The following PTPRD variants were observed in gnomAD, a reference collection of about 807,000 sequenced individuals.
PTPRD encodes the protein receptor-type tyrosine-protein phosphatase delta.
Under a neutral mutation model 214.5 loss-of-function variants are expected in PTPRD, and 34 were observed. That is an observed-to-expected ratio of 0.16 (90% CI 0.12 to 0.21). The LOEUF is 0.21. Ranked by LOEUF, PTPRD falls within the 10% of genes least tolerant of loss-of-function variation. The probability of loss-of-function intolerance (pLI) is 1.00; values close to 1 mark genes in which losing one functional copy is unlikely to be tolerated. For synonymous variants in PTPRD, 1,128 were observed against 845.7 expected (o/e 1.33, Z -5.79); for missense variants, 2,545 against 2,398.7 (o/e 1.06, Z -1.27).
At chr9:9,620,490 C>A (rs1252498052) in intron 7 of PTPRD, among the ~76,000 whole-genome samples, 1 of 152,062 alleles carries the variant, frequency 6.6e-6, no homozygotes, top group African/African-American at 2.4e-5. Context: ...TTAAACCATA[C>A]CAAATAAAAT....
At chr9:10,119,356 T>C (rs1324983831) in intron 3 of PTPRD, among the ~76,000 whole-genome samples, 1 of 152,054 alleles carries the variant, frequency 6.6e-6, no homozygotes, top group Non-Finnish European at 1.5e-5. Flanking sequence ...AGTGTTTGCC[T>C]TCTATGGTAC....
intron 2 of PTPRD, among the ~76,000 whole-genome samples, chr9:10,365,572 A>ACTT (rs1467856897): frequency 6.6e-6 from 1 of 152,134 alleles, no homozygotes; most frequent in African/African-American, 2.4e-5. Flanking sequence ...TTTCTATCGT[A>ACTT]CTTTAAATGT....
At chr9:10,569,494 T>C (rs982885691) in intron 2 of PTPRD, among the ~76,000 whole-genome samples, 1 of 151,900 alleles carries the variant, frequency 6.6e-6, no homozygotes, top group Non-Finnish European at 1.5e-5. Flanking sequence ...TGTATACTTG[T>C]GTATATGCAT....
chr9:9,887,538 G>A (rs542996408), intron 5 of PTPRD, among the ~76,000 whole-genome samples: 47 of 152,212 alleles, frequency 3.1e-4, no homozygotes, highest in African/African-American at 1.1e-3. Flanking sequence ...TCATCAAGGG[G>A]CAGAACAACA....
intron 12 of PTPRD, among the ~76,000 whole-genome samples, chr9:8,713,132 A>C (rs1316231351): frequency 6.6e-6 from 1 of 152,208 alleles, no homozygotes; most frequent in African/African-American, 2.4e-5. Flanking sequence ...CTTAAAAACA[A>C]CAACAACGAT....
chr9:8,874,362 T>G lies in PTPRD; in HGVS notation c.-103-140416A>C, dbSNP rs76083353. On this transcript the variant is annotated intron_variant, in intron 11 of 45. Transcript: ENST00000381196. ...AGTGTGACTACAGTTGAACGGACTG[T>G]TTTTTTTGCAATTTCCCAACGTGGG... 1.0e-2 allele frequency among the ~76,000 whole-genome samples: 1,419 copies of G among 142,156 alleles called. 24 individuals carry two copies. Among genetic ancestry groups the G allele is most frequent in the African/African-American group, 0.034 (1,331 of 38,674 alleles). The allele number at this position is 142,156 out of a possible 152,430, so 93.3% of individuals were successfully genotyped here. A position where few individuals can be genotyped will look rare whatever the true frequency, so the allele number is the denominator to read the frequency against.
intron 11 of PTPRD, among the ~76,000 whole-genome samples, chr9:8,955,420 T>C (rs12343455): frequency 0.047 from 7,127 of 151,740 alleles, 350 homozygotes; most frequent in African/African-American, 0.12. Flanking sequence ...ATTATTCTGG[T>C]ATCACAGCTA....
At chr9:10,545,206 T>C (rs2130830180) in intron 2 of PTPRD, among the ~76,000 whole-genome samples, 1 of 152,294 alleles carries the variant, frequency 6.6e-6, no homozygotes, top group South Asian at 2.1e-4. Flanking sequence ...AAGCTGCATA[T>C]CAGAGATGTC....
chr9:8,404,794 G>T, intron 35 of PTPRD, 134 bp from the exon 36 acceptor site: 1 of 1,125,122 alleles, frequency 8.9e-7, no homozygotes, highest in Non-Finnish European at 1.2e-6. Context: ...GATCCTAACT[G>T]TGAAGCTGAA....
chr9:8,551,887 C>G (rs1218287778), intron 14 of PTPRD, among the ~76,000 whole-genome samples: 1 of 152,146 alleles, frequency 6.6e-6, no homozygotes, highest in East Asian at 1.9e-4. Context: ...ATCCAGTCAT[C>G]CTGTTCCAAT....
chr9:10,356,885 TG>T (rs2097289479), intron 2 of PTPRD, among the ~76,000 whole-genome samples: 1 of 151,974 alleles, frequency 6.6e-6, no homozygotes. Flanking sequence ...TTCACCATGT[TG>T]GTCAGGATGG....
chr9:8,776,873 T>C (rs1236501359), intron 11 of PTPRD, among the ~76,000 whole-genome samples: 2 of 147,040 alleles, frequency 1.4e-5, no homozygotes, highest in Admixed American at 1.4e-4. Flanking sequence ...ATAATACATA[T>C]GTATAGTATA....
intron 9 of PTPRD, among the ~76,000 whole-genome samples, chr9:9,268,276 G>T (rs1175055243): frequency 2.0e-5 from 3 of 150,676 alleles, no homozygotes; most frequent in Non-Finnish European, 4.5e-5. Flanking sequence ...AGCATTAAAA[G>T]AATAAAAATA....
At chr9:9,661,629 A>G (rs762720756) in intron 7 of PTPRD, among the ~76,000 whole-genome samples, 1 of 151,874 alleles carries the variant, frequency 6.6e-6, no homozygotes, top group Non-Finnish European at 1.5e-5. Context: ...AAAAACAAAC[A>G]AACAAAAAAG....
intron 6 of PTPRD, among the ~76,000 whole-genome samples, chr9:9,736,111 T>C (rs2098289114): frequency 6.6e-6 from 1 of 152,142 alleles, no homozygotes. Context: ...GTCATTTGAC[T>C]GTGTGTTACC....
At chr9:8,367,162 T>C (rs2080141462) in intron 39 of PTPRD, among the ~76,000 whole-genome samples, 1 of 152,326 alleles carries the variant, frequency 6.6e-6, no homozygotes, top group South Asian at 2.1e-4. Flanking sequence ...TAAAAGGTTA[T>C]AATTAAAGTA....
rs77850090 is a variant in PTPRD at position 10,040,865 on chromosome 9, T to G, written c.-544-7075A>C. Among the ~76,000 whole-genome samples, 67 of 152,144 alleles carry G rather than the reference T, an allele frequency of 4.4e-4. No individual in the cohort carries two copies. The East Asian group carries it at 0.012, about 28-fold the overall frequency. ...TCACACAAAGTGCAATATGTGCTATTTGAAAATTAGATAATCTGCTTAAGA... is the reference window on the plus strand; with the variant it reads ...TCACACAAAGTGCAATATGTGCTATGTGAAAATTAGATAATCTGCTTAAGA... On this transcript the variant is annotated intron_variant, in intron 3 of 45. Transcript: ENST00000381196.
intron 25 of PTPRD, among the ~76,000 whole-genome samples, 181 bp downstream of exon 25, chr9:8,499,466 C>T (rs2136777076): frequency 6.6e-6 from 1 of 152,260 alleles, no homozygotes; most frequent in South Asian, 2.1e-4. Context: ...CATTACAATT[C>T]CCTTCCTCAC....
At chr9:10,593,465 T>C (rs2133027671) in intron 2 of PTPRD, among the ~76,000 whole-genome samples, 1 of 152,184 alleles carries the variant, frequency 6.6e-6, no homozygotes, top group Middle Eastern at 3.4e-3. Flanking sequence ...ATTTGGATGT[T>C]ATTACAAGTA....
Sources: gnomAD v4.1 joint callset for allele counts (sites outside exome capture counted in the v4.1 genomes callset) on GRCh38, gnomAD v4.1.1 for gene constraint, MANE v1.5 for transcripts, NCBI Gene and HGNC (gene_info 2026-07-23, HGNC 2026-07-21) for gene names.